PCNX2: variants seen among roughly 807,000 people sequenced by gnomAD.
PCNX2 encodes pecanex 2.
PCNX2 carries 168 observed loss-of-function variants against 223.8 expected under a neutral mutation model. The observed-to-expected ratio is 0.75, with a 90% CI of 0.66 to 0.85. PCNX2 has a LOEUF of 0.85. PCNX2 is among the 40% of genes least tolerant of loss of function. PCNX2 has a pLI of 0.00. For synonymous variants in PCNX2, 1,006 were observed against 1,052.6 expected (o/e 0.96, Z 0.86); for missense variants, 2,507 against 2,675.5 (o/e 0.94, Z 1.39).
intron 26 of PCNX2, among the ~76,000 whole-genome samples, chr1:233,021,587 C>A (rs916754141): frequency 6.6e-6 from 1 of 152,104 alleles, no homozygotes; most frequent in Non-Finnish European, 1.5e-5. Context: ...AACTAGCTTG[C>A]AGGGGAGGAG....
At chr1:233,027,899 A>G (rs1671137933) in intron 25 of PCNX2, among the ~76,000 whole-genome samples, 1 of 152,186 alleles carries the variant, frequency 6.6e-6, no homozygotes, top group East Asian at 1.9e-4. Context: ...CTCTCTATGC[A>G]TTGCTTTAGT....
chr1:232,992,584 G>C (rs909752062), intron 32 of PCNX2, among the ~76,000 whole-genome samples: 1 of 152,202 alleles, frequency 6.6e-6, no homozygotes, highest in Non-Finnish European at 1.5e-5. Flanking sequence ...GATGGTGCAA[G>C]GTGGCTGAGA....
intron 25 of PCNX2, chr1:233,032,128 G>A (rs1396126716): frequency 1.1e-6 from 1 of 893,392 alleles, no homozygotes; most frequent in Non-Finnish European, 1.3e-6. Flanking sequence ...TTGAGATAGA[G>A]TTTCACTCTT....
intron 25 of PCNX2, among the ~76,000 whole-genome samples, chr1:233,036,146 C>T (rs1671445982): frequency 1.3e-5 from 2 of 152,200 alleles, no homozygotes; most frequent in African/African-American, 4.8e-5. Flanking sequence ...TCTCCTGCAG[C>T]TTCCACGTCA....
At chr1:233,235,957 A>AAGATATATAT (rs369886650) in intron 9 of PCNX2, among the ~76,000 whole-genome samples, 1 of 93,114 alleles carries the variant, frequency 1.1e-5, no homozygotes, top group Non-Finnish European at 2.2e-5. Flanking sequence ...CATAAAAAAA[A>AAGATATATAT]ATATATATAT....
intron 25 of PCNX2, among the ~76,000 whole-genome samples, chr1:233,026,921 A>C (rs751748821): frequency 6.6e-6 from 1 of 152,140 alleles, no homozygotes; most frequent in Non-Finnish European, 1.5e-5. Flanking sequence ...CTGGCTGGAG[A>C]TTTATAAAAT....
intron 23 of PCNX2, among the ~76,000 whole-genome samples, chr1:233,086,705 A>G (rs1288261249): frequency 6.6e-6 from 1 of 152,020 alleles, no homozygotes; most frequent in African/African-American, 2.4e-5. Context: ...TAAAAATAAA[A>G]TAAAATTCAG....
intron 33 of PCNX2, 103 bp from the exon 34 acceptor site, chr1:232,984,580 G>C: frequency 2.5e-5 from 33 of 1,309,522 alleles, no homozygotes; most frequent in African/African-American, 1.5e-5. Context: ...AAAGGCTAGC[G>C]CTGCCATATC....
chr1:233,081,053 A>G (rs1482935419), intron 23 of PCNX2, among the ~76,000 whole-genome samples: 1 of 152,212 alleles, frequency 6.6e-6, no homozygotes, highest in Non-Finnish European at 1.5e-5. Flanking sequence ...CCATTTAAAA[A>G]GCTACCACAT....
intron 21 of PCNX2, among the ~76,000 whole-genome samples, chr1:233,110,360 C>T (rs1388242772): frequency 6.6e-6 from 1 of 152,166 alleles, no homozygotes; most frequent in Non-Finnish European, 1.5e-5. Flanking sequence ...AGAGGGACAT[C>T]TATAAAGTGC....
chr1:233,167,020 C>T (rs573034170), intron 17 of PCNX2, among the ~76,000 whole-genome samples: 62 of 152,116 alleles, frequency 4.1e-4, no homozygotes, highest in African/African-American at 1.5e-3. Context: ...ACCACGTGCC[C>T]CAGCAACCTC....
At chr1:233,037,122 G>A (rs79982173) in intron 25 of PCNX2, among the ~76,000 whole-genome samples, 17,196 of 152,124 alleles carry the variant, frequency 0.11, 1,300 homozygotes, top group African/African-American at 0.22. Context: ...AATCAATCCA[G>A]TTTAGATTAA....
At position 232,991,239 on chromosome 1, in the gene PCNX2, A is replaced by G. The variant is rs1325947330; in HGVS notation, c.5792-4699T>C. Among the ~76,000 whole-genome samples the G allele has an allele frequency of 1.3e-5, 2 of 152,076 alleles. No homozygotes were observed. The highest frequency in any genetic ancestry group is 2.9e-5 in the Non-Finnish European group (2 of 68,006). ...TGATGGGAGGCTGTGTGAGTAAGCG[A>G]AGGAGCTGCAAGCCTGGGAGAGGGA... On this transcript the variant is annotated intron_variant, in intron 32 of 33. Coordinates refer to ENST00000258229, the MANE Select transcript of PCNX2 (RefSeq NM_014801.4). The surrounding 1 kb of genome is among the most constrained non-coding windows in gnomAD (Gnocchi z 4.3).
chr1:233,004,292 G>A (rs888840657), intron 28 of PCNX2, among the ~76,000 whole-genome samples: 6 of 151,892 alleles, frequency 4.0e-5, no homozygotes, highest in African/African-American at 9.7e-5. Flanking sequence ...TTTTCCTGCC[G>A]TGCTTCCATT....
chr1:233,206,518 T>C (rs1681474501), intron 13 of PCNX2, among the ~76,000 whole-genome samples: 1 of 151,986 alleles, frequency 6.6e-6, no homozygotes, highest in Non-Finnish European at 1.5e-5. Flanking sequence ...GCCTTTCTTG[T>C]TGTGTATGTG....
At chr1:233,301,771 A>G in the PCNX2 span, among the ~76,000 whole-genome samples, 1 of 151,050 alleles carries the variant, frequency 6.6e-6, no homozygotes. Flanking sequence ...AAGAAAGATA[A>G]AGTCACAGGA....
intron 25 of PCNX2, among the ~76,000 whole-genome samples, chr1:233,048,285 C>T (rs192822546): frequency 3.9e-4 from 59 of 152,176 alleles, no homozygotes; most frequent in African/African-American, 1.4e-3. Flanking sequence ...GGTGAAACCC[C>T]ATCTCTACTA....
Position 233,227,334 on chromosome 1 carries a change from G to A in PCNX2, c.2396C>T (p.Ser799Leu). The change falls in exon 10 of 34, where the codon TCA becomes TTA. Residue 799 changes from serine to leucine, a missense_variant. Physicochemically the swap from Ser to Leu is moderately radical, Grantham distance 145. Around this residue, in one of 3 missense-constraint regions of PCNX2, gnomAD observed 1,031 missense variants for 1,021.7 expected, o/e 1.01. Transcript: ENST00000258229. The stretch of plus-strand genomic sequence containing the variant: ...CTCTCGGTTAAATTTTCCTTGTGTT[G>A]AAGAACATGACGAGGCTTCCAGATC... ...SQDLEASSCS[S>L]TQGKFNREQF... 1 of 1,613,608 alleles carries A rather than the reference G, an allele frequency of 6.2e-7. No homozygotes were observed. The highest frequency in any genetic ancestry group is 8.5e-7 in the Non-Finnish European group (1 of 1,179,712).
intron 21 of PCNX2, among the ~76,000 whole-genome samples, chr1:233,130,465 T>TGTGTGTG (rs1553296590): frequency 5.7e-4 from 78 of 136,472 alleles, no homozygotes; most frequent in East Asian, 4.3e-3. Context: ...CCCCCAACTT[T>TGTGTGTG]TGTGTGTGTG....
Sources: gnomAD v4.1 joint callset for allele counts (sites outside exome capture counted in the v4.1 genomes callset) on GRCh38, gnomAD v4.1.1 for gene constraint, gnomAD v4.1.1 regional missense constraint, Gnocchi (gnomAD v3.1) non-coding constraint, MANE v1.5 for transcripts, NCBI Gene and HGNC (gene_info 2026-07-23, HGNC 2026-07-21) for gene names.